Variants in PIDD1 observed in about 807,000 individuals in gnomAD.
PIDD1 encodes p53-induced death domain-containing protein 1.
Under a neutral mutation model 80.0 loss-of-function variants are expected in PIDD1, and 72 were observed. That is an observed-to-expected ratio of 0.90 (90% CI 0.74 to 1.09). PIDD1 has a LOEUF of 1.09. Ranked by LOEUF, PIDD1 falls within the 50% of genes least tolerant of loss-of-function variation. PIDD1 has a pLI of 0.00. For synonymous variants in PIDD1, 655 were observed against 543.5 expected (o/e 1.21, Z -2.85); for missense variants, 1,329 against 1,228.3 (o/e 1.08, Z -1.23).
In PIDD1 at chr11:802,848, G is replaced by C; in HGVS notation, c.753C>G (p.Leu251=). ...SLRLLVLHSN[L]LASVPADLAR... is the part of the protein sequence containing the mutation. ...CCAAGTCAGCTGGCACAGAGGCCAG[G>C]AGGTTGCTGTGCAGGACAAGGAGCC... Residue 251 remains leucine, a synonymous_variant, in exon 4 of 16, where the codon CTC becomes CTG. Coordinates refer to ENST00000347755, the MANE Select transcript of PIDD1 (RefSeq NM_145886.4). The C allele has an allele frequency of 6.3e-7, 1 of 1,589,436 alleles. No individual in the cohort carries two copies. Among genetic ancestry groups the C allele is most frequent in the Non-Finnish European group, 8.6e-7 (1 of 1,168,850 alleles).
upstream of PIDD1, among the ~76,000 whole-genome samples, chr11:808,341 C>G (rs954616820): frequency 2.6e-5 from 4 of 151,762 alleles, no homozygotes; most frequent in East Asian, 7.7e-4. Flanking sequence ...GCAGGAGAAT[C>G]GCTTGAACCC....
chr11:805,203 G>C lies in PIDD1; in HGVS notation c.-100C>G. ...CCTGCGCTGCAGGCGGCGCGCAAAG[G>C]GTGGCTGCTCAGCGGGCGCTCGGCG... On this transcript the variant is annotated 5_prime_UTR_variant, in exon 1 of 16. Coordinates refer to ENST00000347755, the MANE Select transcript of PIDD1 (RefSeq NM_145886.4). 1 of 983,210 alleles carries C rather than the reference G, an allele frequency of 1.0e-6. No homozygotes were observed. The highest frequency in any genetic ancestry group is 1.2e-6 in the Non-Finnish European group (1 of 827,962). 60.9% of individuals were successfully genotyped at this position (983,210 alleles called of 1,614,324 possible). A position where few individuals can be genotyped will look rare whatever the true frequency, so the allele number is the denominator to read the frequency against.
At position 799,231 on chromosome 11, in the gene PIDD1, C is replaced by T. The variant is rs1864997819; in HGVS notation, c.*76G>A. The T allele has an allele frequency of 7.1e-7, 1 of 1,403,272 alleles. No homozygotes were observed. Among genetic ancestry groups the T allele is most frequent in the African/African-American group, 1.4e-5 (1 of 69,960 alleles). 86.9% of individuals were successfully genotyped at this position (1,403,272 alleles called of 1,614,324 possible). ...TTGCTCACAGGGACCCGTCCCCACACACTGGAGAGACTTGAAGGTGGGGGC... is the reference window on the plus strand; with the variant it reads ...TTGCTCACAGGGACCCGTCCCCACATACTGGAGAGACTTGAAGGTGGGGGC... On this transcript the variant is annotated 3_prime_UTR_variant, in exon 16 of 16. Transcript: ENST00000347755.
In PIDD1 at chr11:799,982, C is replaced by G. The variant is rs149669006; in HGVS notation, c.2307G>C (p.Gly769=). ...TCAAGGGTGCCAAGGAGAGGCCAGC[C>G]CCCCGCCGTGGCCCCTCGGACCCTC... ...RLRGSEGPRR[G]AGLSLAPLNL... is the part of the protein sequence containing the mutation. The change falls in exon 15 of 16, where the codon GGG becomes GGC. Residue 769 remains glycine (G), a synonymous_variant. Coordinates refer to ENST00000347755, the MANE Select transcript of PIDD1 (RefSeq NM_145886.4). The G allele has an allele frequency of 3.9e-4, 628 of 1,612,818 alleles. No individual in the cohort carries two copies. The highest frequency in any genetic ancestry group is 4.8e-4 in the Non-Finnish European group (561 of 1,179,930).
chr11:800,595 G>T lies in PIDD1; in HGVS notation c.1989C>A (p.Phe663Leu), dbSNP rs139057055. Residue 663 changes from phenylalanine to leucine, a missense_variant, in exon 12 of 16, where the codon TTC (phenylalanine) becomes TTA (leucine). Coordinates refer to ENST00000347755, the MANE Select transcript of PIDD1 (RefSeq NM_145886.4). Reference sequence around the variant, plus strand: ...AGGCCGCAAAGAACTCTTCGCCCTCGAACATCTCCACCGTGTCAGAGGGCT... The same window carrying T: ...AGGCCGCAAAGAACTCTTCGCCCTCTAACATCTCCACCGTGTCAGAGGGCT... ...GPEPSDTVEM[F>L]EGEEFFAAFE... 6.2e-6 allele frequency: 10 copies of T among 1,606,842 alleles called. 1 individual carries two copies. In the South Asian group the frequency reaches 1.1e-4, roughly 18 times the overall value.
upstream of PIDD1, chr11:805,321 G>A (rs1865712193): frequency 2.8e-6 from 2 of 702,296 alleles, no homozygotes; most frequent in African/African-American, 3.8e-5. Flanking sequence ...CCTCCGCCGG[G>A]CTGGGGTCCA....
rs150733022 is a variant in PIDD1 at position 804,287 on chromosome 11, G to A, written c.102C>T (p.Gly34=). 48 of 1,612,796 alleles carry A rather than the reference G, an allele frequency of 3.0e-5. No individual in the cohort carries two copies. In the Admixed American group the frequency reaches 3.3e-4, roughly 11 times the overall value. The change falls in exon 2 of 16, where the codon GGC becomes GGT. Residue 34 remains glycine (G), a synonymous_variant. Transcript: ENST00000347755. Reference sequence around the variant, plus strand: ...ACAGGTCCAAGCTCAGCCGGTTGCCGCCCAGGAAAGGCAGCGCCCTGGACC... The same window carrying A: ...ACAGGTCCAAGCTCAGCCGGTTGCCACCCAGGAAAGGCAGCGCCCTGGACC... ...DAGSRALPFL[G]GNRLSLDLYP... is the part of the protein sequence containing the mutation.
Position 800,019 on chromosome 11 carries a change from T to G in PIDD1, c.2275-5A>C, listed in dbSNP as rs1865120594. On this transcript the variant is annotated splice_region_variant and splice_polypyrimidine_tract_variant and intron_variant, in intron 14 of 15. Transcript: ENST00000347755. ...CCCCTCGGACCCTCGAAGTCTCTGT[T>G]GGAAGGAAAAAGTGCATTAAGCCCT... The G allele has an allele frequency of 1.9e-6, 3 of 1,612,424 alleles. No homozygotes were observed. The South Asian group carries it at 3.3e-5, about 18-fold the overall frequency.
upstream of PIDD1, chr11:809,337 A>T (rs1449003921): frequency 6.6e-6 from 1 of 152,236 alleles, no homozygotes; most frequent in Non-Finnish European, 1.5e-5. Flanking sequence ...CTCTGACAGG[A>T]TGCCCTGACA....
chr11:801,790 G>A, intron 7 of PIDD1, 166 bp from the exon 8 acceptor site: 2 of 930,362 alleles, frequency 2.1e-6, no homozygotes, highest in Non-Finnish European at 3.2e-6. Context: ...CAGGGACACA[G>A]GGAAGCAGGA....
In PIDD1 at chr11:800,007, C is replaced by T. The variant is rs367921253; in HGVS notation, c.2282G>A (p.Arg761Gln). Residue 761 changes from arginine (R) to glutamine (Q), a missense_variant, in exon 15 of 16, where the codon CGA becomes CAA. Transcript: ENST00000347755. ...CCCCCGCCGTGGCCCCTCGGACCCTCGAAGTCTCTGTTGGAAGGAAAAAGT... is the reference window on the plus strand; with the variant it reads ...CCCCCGCCGTGGCCCCTCGGACCCTTGAAGTCTCTGTTGGAAGGAAAAAGT... ...ATLPIKLPRLRGSEGPRRGAG... is the reference protein window; with the variant it reads ...ATLPIKLPRLQGSEGPRRGAG... The T allele has an allele frequency of 1.5e-5, 24 of 1,612,624 alleles. No individual in the cohort carries two copies. The highest frequency in any genetic ancestry group is 3.3e-5 in the Admixed American group (2 of 60,000).
Position 802,883 on chromosome 11 carries a change from G to A in PIDD1, c.718C>T (p.Arg240Trp), listed in dbSNP as rs777494501. ...TGCAGGACAAGGAGCCGCAAGGACC[G>A]AAGTCCCGCTGCGGGCAGTTGCTGG... ...QSLPASLAGL[R>W]SLRLLVLHSN... The change falls in exon 4 of 16, where the codon CGG becomes TGG. Residue 240 changes from arginine (R) to tryptophan (W), a missense_variant. Arg to Trp is a moderately radical substitution (Grantham distance 101). Coordinates refer to ENST00000347755, the MANE Select transcript of PIDD1 (RefSeq NM_145886.4). The A allele has an allele frequency of 7.7e-6, 12 of 1,566,494 alleles. No individual in the cohort carries two copies. The highest frequency in any genetic ancestry group is 4.1e-5 in the African/African-American group (3 of 74,018).
rs755368614 is a variant in PIDD1, at chr11:803,507, G to A, written c.376C>T (p.His126Tyr). 1.9e-5 allele frequency: 30 copies of A among 1,613,500 alleles called. No homozygotes were observed. The highest frequency in any genetic ancestry group is 2.3e-5 in the Non-Finnish European group (27 of 1,179,972). Residue 126 changes from histidine (H) to tyrosine (Y), a missense_variant, in exon 3 of 16, where the codon CAT (histidine) becomes TAT (tyrosine). His to Tyr is a moderately conservative substitution (Grantham distance 83). Transcript: ENST00000347755. ...NLPAGLSGLA[H>Y]LAHLDLSFNS... ...AAGCTCAGGTCCAGGTGGGCCAGAT[G>A]GGCCAGGCCACTCAGACCAGCGGGC...
Position 799,749 on chromosome 11 carries a change from G to A in PIDD1, c.2474+66C>T, listed in dbSNP as rs1865077165. 54 of 1,404,628 alleles carry A rather than the reference G, an allele frequency of 3.8e-5. No individual in the cohort carries two copies. In the South Asian group the frequency reaches 6.3e-4, roughly 16 times the overall value. 87.0% of individuals were successfully genotyped at this position (1,404,628 alleles called of 1,614,324 possible). A position where few individuals can be genotyped will look rare whatever the true frequency, so the allele number is the denominator to read the frequency against. On this transcript the variant is annotated intron_variant, in intron 15 of 15. Transcript: ENST00000347755. ...TGGAAGAAACTTCTGTCAGAATCAG[G>A]TGGGCCCTCCAGGCAGCCAGGGCTC...
At position 800,867 on chromosome 11, in the gene PIDD1, A is replaced by G; in HGVS notation, c.1812T>C (p.Ala604=). Residue 604 remains alanine (A), a synonymous_variant, in exon 11 of 16, where the codon GCT becomes GCC. Transcript: ENST00000347755. ...GCCGCAGCCGCTCCCAGGCCTTCCG[A>G]GCCAGGCCTCCCACACAGTTCTTGG... ...YTTKNCVGGL[A]RKAWERLRLH... 6.3e-7 allele frequency: 1 copy of G among 1,582,208 alleles called. No homozygotes were observed. The highest frequency in any genetic ancestry group is 8.6e-7 in the Non-Finnish European group (1 of 1,165,022).
intron 1 of PIDD1, 149 bp from the exon 2 acceptor site, chr11:804,612 C>G: frequency 1.4e-6 from 1 of 737,580 alleles, no homozygotes; most frequent in South Asian, 2.6e-5. Flanking sequence ...CACCCTGAAC[C>G]CCGGAGGCCT....
chr11:802,959 G>A (rs1865499622), intron 3 of PIDD1, 68 bp from the exon 4 acceptor site: 11 of 1,324,776 alleles, frequency 8.3e-6, no homozygotes, highest in African/African-American at 2.9e-5. Context: ...TCCTGCTGCC[G>A]CCTCCCAGAG....
At position 800,524 on chromosome 11, in the gene PIDD1, C is replaced by T. The variant is rs1404789311; in HGVS notation, c.2041+19G>A. 3.4e-6 allele frequency: 5 copies of T among 1,449,424 alleles called. No homozygotes were observed. The highest frequency in any genetic ancestry group is 2.9e-6 in the Non-Finnish European group (3 of 1,051,952). 89.8% of individuals were successfully genotyped at this position (1,449,424 alleles called of 1,614,324 possible). On this transcript the variant is annotated intron_variant, in intron 12 of 15. Coordinates refer to ENST00000347755, the MANE Select transcript of PIDD1 (RefSeq NM_145886.4). ...AAGGCTCCCCCTCCAGGGCAGGGAG[C>T]ATCCACCAGCATCCCTACCAGCATC... is the stretch of plus-strand genomic sequence containing the variant.
At position 804,370 on chromosome 11, in the gene PIDD1, C is replaced by A. The variant is rs1023878291; in HGVS notation, c.19G>T (p.Gly7Trp). Residue 7 changes from glycine to tryptophan, a missense_variant, in exon 2 of 16, where the codon GGG becomes TGG. Physicochemically the swap from Gly to Trp is radical, Grantham distance 184. Transcript: ENST00000347755. Reference protein sequence around the residue: MAATVEGPELEAAAAAG... With the variant: MAATVEWPELEAAAAAG... ...GCAGCAGCTGCCTCCAGCTCTGGCC[C>A]CTCCACCGTTGCAGCCATCGCCCAC... The A allele has an allele frequency of 1.0e-5, 16 of 1,597,502 alleles. No homozygotes were observed. Among genetic ancestry groups the A allele is most frequent in the Non-Finnish European group, 1.4e-5 (16 of 1,169,942 alleles).
Sources: allele counts gnomAD v4.1 joint callset (sites outside exome capture counted in the v4.1 genomes callset), GRCh38; gene constraint gnomAD v4.1.1; transcripts MANE v1.5; gene names NCBI Gene and HGNC (gene_info 2026-07-23, HGNC 2026-07-21).